The following FAM107B variants were observed in gnomAD, a reference collection of about 807,000 sequenced individuals.
FAM107B encodes family with sequence similarity 107 member B, also known as protein FAM107B.
In FAM107B, 21 loss-of-function variants were observed where a neutral mutation model predicts 31.5. The observed-to-expected ratio is 0.67, with a 90% CI of 0.47 to 0.96. The LOEUF is 0.96. Among genes scored for constraint, FAM107B ranks in the 40% least tolerant of loss-of-function variants. The pLI, the probability that FAM107B is intolerant of heterozygous loss-of-function variation, is 0.00. For synonymous variants in FAM107B, 157 were observed against 141.5 expected (o/e 1.11, Z -0.78); for missense variants, 452 against 377.1 (o/e 1.20, Z -1.64).
intron 2 of FAM107B, among the ~76,000 whole-genome samples, chr10:14,591,552 G>T (rs1163923455): frequency 1.3e-5 from 2 of 152,182 alleles, no homozygotes; most frequent in Non-Finnish European, 2.9e-5. Context: ...ATCTCATTAA[G>T]AGAGAAGAAT....
chr10:14,700,623 G>C (rs963060579), intron 1 of FAM107B, among the ~76,000 whole-genome samples: 4 of 151,970 alleles, frequency 2.6e-5, no homozygotes, highest in African/African-American at 7.3e-5. Context: ...TCCTGAGCTT[G>C]ATCCATGATG....
rs1237812430 is a variant in FAM107B, at chr10:14,629,428, AT to A, written c.469+38205del. The stretch of plus-strand genomic sequence containing the variant: ...ATATTTAATATATATAATATATATA[AT>A]ATATATTATATATATATTATATATA... On this transcript the variant is annotated intron_variant, in intron 2 of 4. Transcript: ENST00000181796. Among the ~76,000 whole-genome samples, 101 of 11,486 alleles carry A rather than the reference AT, an allele frequency of 8.8e-3. 7 individuals carry two copies. Among genetic ancestry groups the A allele is most frequent in the African/African-American group, 0.055 (97 of 1,748 alleles). The allele number at this position is 11,486 out of a possible 152,430, so 7.5% of individuals were successfully genotyped here.
intron 1 of FAM107B, among the ~76,000 whole-genome samples, chr10:14,670,243 T>C (rs1256829226): frequency 2.6e-5 from 4 of 152,204 alleles, no homozygotes; most frequent in Admixed American, 6.5e-5. Flanking sequence ...TAAAAATGTG[T>C]CCTACTTTTA....
intron 2 of FAM107B, among the ~76,000 whole-genome samples, chr10:14,580,091 G>A (rs984507681): frequency 1.3e-5 from 2 of 152,078 alleles, no homozygotes; most frequent in African/African-American, 4.8e-5. Context: ...TGGGTGCGGT[G>A]GCTCAAGCCT....
chr10:14,536,392 G>C (rs1847608847), intron 2 of FAM107B, among the ~76,000 whole-genome samples: 2 of 152,158 alleles, frequency 1.3e-5, no homozygotes, highest in Admixed American at 6.5e-5. Context: ...TTCCTAAGCT[G>C]TCTCTAAGAT....
chr10:14,688,762 A>C (rs1436908981), intron 1 of FAM107B, among the ~76,000 whole-genome samples: 4 of 152,060 alleles, frequency 2.6e-5, no homozygotes, highest in African/African-American at 9.7e-5. Flanking sequence ...CCACAGTCTG[A>C]CCACCCTCTC....
intron 3 of FAM107B, 169 bp from the exon 4 acceptor site, chr10:14,522,188 G>A (rs1380559743): frequency 7.3e-6 from 6 of 819,664 alleles, no homozygotes; most frequent in Non-Finnish European, 1.1e-5. Context: ...TCACCAGCAC[G>A]AAAGAAAGGC....
chr10:14,617,413 G>T (rs541402743), intron 2 of FAM107B, among the ~76,000 whole-genome samples: 1 of 152,326 alleles, frequency 6.6e-6, no homozygotes, highest in East Asian at 1.9e-4. Context: ...GTGAGGGAGA[G>T]CCTGGGTCTT....
intron 2 of FAM107B, among the ~76,000 whole-genome samples, chr10:14,628,808 G>A (rs1588668607): frequency 6.6e-6 from 1 of 152,032 alleles, no homozygotes; most frequent in Admixed American, 6.6e-5. Flanking sequence ...TGAGGTGGGA[G>A]GATCGCTTGA....
intron 1 of FAM107B, among the ~76,000 whole-genome samples, chr10:14,714,566 A>T (rs1043199059): frequency 6.6e-6 from 1 of 152,222 alleles, no homozygotes; most frequent in Non-Finnish European, 1.5e-5. Flanking sequence ...TGCACCCTTC[A>T]TTAGCAGGCA....
rs996527759 is a variant in FAM107B, at chr10:14,715,828, G to A, written c.412-48137C>T. Among the ~76,000 whole-genome samples the A allele has an allele frequency of 4.1e-4, 62 of 152,132 alleles. 1 individual carries two copies. Among genetic ancestry groups the A allele is most frequent in the Non-Finnish European group, 1.3e-4 (9 of 68,022 alleles). On this transcript the variant is annotated intron_variant, in intron 1 of 4. Transcript: ENST00000181796. ...GTTCTCAAGCCCTTGGCCTTGGAAT[G>A]GGGGTCACACCATTGGCTTCCATGA...
intron 2 of FAM107B, among the ~76,000 whole-genome samples, chr10:14,646,695 C>G (rs1291840128): frequency 6.6e-6 from 1 of 151,512 alleles, no homozygotes; most frequent in Non-Finnish European, 1.5e-5. Flanking sequence ...AGCAGTGGGA[C>G]TGCTGGGTCA....
At chr10:14,527,400 T>C (rs1846396319) in intron 3 of FAM107B, among the ~76,000 whole-genome samples, 1 of 152,230 alleles carries the variant, frequency 6.6e-6, no homozygotes, top group African/African-American at 2.4e-5. Flanking sequence ...TGTGGGTACT[T>C]GTTCTCTTAA....
At position 14,521,018 on chromosome 10, in the gene FAM107B, C is replaced by T. The variant is rs569476516; in HGVS notation, c.*172G>A. On this transcript the variant is annotated 3_prime_UTR_variant, in exon 5 of 5. Transcript: ENST00000181796. The stretch of plus-strand genomic sequence containing the variant: ...TTCATTTGGCGAATAGGAACTGCAA[C>T]TGTCACAGGCAAGGCATCCACCCAG... 7 of 583,604 alleles carry T rather than the reference C, an allele frequency of 1.2e-5. No individual in the cohort carries two copies. The African/African-American group carries it at 1.3e-4, about 11-fold the overall frequency. The allele number at this position is 583,604 out of a possible 1,614,324, so 36.2% of individuals were successfully genotyped here.
intron 2 of FAM107B, among the ~76,000 whole-genome samples, chr10:14,533,824 A>C (rs1286687382): frequency 1.3e-5 from 2 of 152,040 alleles, no homozygotes; most frequent in Admixed American, 1.3e-4. Context: ...TTCTCTTTAG[A>C]TTTAGTTGCT....
At chr10:14,762,897 A>C (rs1833085447) in intron 1 of FAM107B, among the ~76,000 whole-genome samples, 1 of 152,118 alleles carries the variant, frequency 6.6e-6, no homozygotes, top group Admixed American at 6.6e-5. Flanking sequence ...TGATTAGAAG[A>C]CTTGATGGCT....
intron 1 of FAM107B, among the ~76,000 whole-genome samples, chr10:14,668,308 G>T (rs1854459903): frequency 6.6e-6 from 1 of 152,120 alleles, no homozygotes. Flanking sequence ...CTCCCAAAGT[G>T]CTGGGGTTCC....
At chr10:14,651,113 A>G (rs1853886588) in intron 2 of FAM107B, among the ~76,000 whole-genome samples, 1 of 152,208 alleles carries the variant, frequency 6.6e-6, no homozygotes, top group South Asian at 2.1e-4. Context: ...CTCAGGGTCT[A>G]CTTCTGGGGG....
At chr10:14,622,785 T>C (rs1588664510) in intron 2 of FAM107B, among the ~76,000 whole-genome samples, 2 of 152,332 alleles carry the variant, frequency 1.3e-5, no homozygotes, top group South Asian at 4.1e-4. Flanking sequence ...CATAAACATA[T>C]GTTGAGCATT....
Sources: gnomAD v4.1 joint callset for allele counts (sites outside exome capture counted in the v4.1 genomes callset) on GRCh38, gnomAD v4.1.1 for gene constraint, MANE v1.5 for transcripts, NCBI Gene and HGNC (gene_info 2026-07-23, HGNC 2026-07-21) for gene names.